CTBP2: variants seen among roughly 807,000 people sequenced by gnomAD.
The protein encoded by CTBP2 is C-terminal binding protein 2.
Under a neutral mutation model 80.3 loss-of-function variants are expected in CTBP2, and 30 were observed. The observed-to-expected ratio is 0.37, with a 90% CI of 0.28 to 0.51. The LOEUF (loss-of-function observed/expected upper bound fraction) is 0.51, where lower values mean the gene tolerates loss of function less well. Ranked by LOEUF, CTBP2 falls within the 20% of genes least tolerant of loss-of-function variation. The pLI, the probability that CTBP2 is intolerant of heterozygous loss-of-function variation, is 0.93. For missense variants in CTBP2, 1,212 were observed against 1,375.3 expected, an observed-to-expected ratio of 0.88 and a Z score of 1.88; for synonymous variants, 594 against 587.4, an observed-to-expected ratio of 1.01 and a Z score of -0.16.
chr10:124,997,115 T>A (rs1227203727), intron 4 of CTBP2: 1 of 152,002 alleles, frequency 6.6e-6, no homozygotes, highest in Non-Finnish European at 1.5e-5. Flanking sequence ...CAGCTGGGAG[T>A]CTCCCGGAGG....
intron 1 of CTBP2, among the ~76,000 whole-genome samples, chr10:125,151,425 C>T (rs530891172): frequency 1.3e-5 from 2 of 152,306 alleles, no homozygotes; most frequent in Admixed American, 6.5e-5. Flanking sequence ...TTTCCCACAG[C>T]AACTGCCACT....
chr10:125,142,756 G>A (rs895653915), intron 1 of CTBP2, among the ~76,000 whole-genome samples: 1 of 152,228 alleles, frequency 6.6e-6, no homozygotes, highest in African/African-American at 2.4e-5. Flanking sequence ...GGCTGAGCCA[G>A]CACACACCCC....
At chr10:125,075,551 T>C (rs985060913) in intron 2 of CTBP2, among the ~76,000 whole-genome samples, 1 of 152,170 alleles carries the variant, frequency 6.6e-6, no homozygotes, top group Non-Finnish European at 1.5e-5. Context: ...CTATTCATTA[T>C]AAATTACTCA....
chr10:124,998,357 T>G, intron 3 of CTBP2, 187 bp from the exon 6 acceptor site: 1 of 637,462 alleles, frequency 1.6e-6, no homozygotes, highest in Non-Finnish European at 2.7e-6. Context: ...TGGGAAGCTC[T>G]AGCCCCAACA....
intron 2 of CTBP2, among the ~76,000 whole-genome samples, chr10:125,064,701 C>CA (rs1488578559): frequency 6.6e-6 from 1 of 152,158 alleles, no homozygotes; most frequent in African/African-American, 2.4e-5. Context: ...GGTGACTATC[C>CA]ACCCAGGAGA....
At chr10:125,098,782 G>C (rs979319145) in intron 2 of CTBP2, among the ~76,000 whole-genome samples, 2 of 149,414 alleles carry the variant, frequency 1.3e-5, no homozygotes, top group African/African-American at 4.9e-5. Flanking sequence ...GAGAGAGACA[G>C]AGAGAGAGAC....
chr10:124,994,617 G>A lies in CTBP2; in HGVS notation c.2252C>T (p.Pro751Leu). The A allele has an allele frequency of 6.2e-7, 1 of 1,614,120 alleles. No individual in the cohort carries two copies. Among genetic ancestry groups the A allele is most frequent in the Non-Finnish European group, 8.5e-7 (1 of 1,179,976 alleles). The stretch of plus-strand genomic sequence containing the variant: ...CCGCTCGATCCCATCCTGCAAGTAG[G>A]GGTCATAAAATATGACGCTGAATCC... The change falls in exon 5 of 9, where the codon CCC (proline) becomes CTC (leucine). Residue 751 changes from proline (P) to leucine (L), a missense_variant. By Grantham distance (98) the Pro-to-Leu change is moderately conservative. This residue lies in a region of CTBP2 where 335 missense variants were observed against 504.7 expected (regional missense o/e 0.66). Transcript: ENST00000309035.
chr10:125,021,550 G>GC (rs1015342190), intron 1 of CTBP2, among the ~76,000 whole-genome samples: 5 of 102,546 alleles, frequency 4.9e-5, no homozygotes, highest in African/African-American at 2.2e-4. Flanking sequence ...AGTCTGGTAA[G>GC]GGGGCACAAC....
rs1952040583 is a variant in CTBP2, at chr10:124,986,296, C to CAT, written c.*3221_*3222insAT. The CAT allele has an allele frequency of 4.5e-5, 3 of 66,498 alleles. No homozygotes were observed. In the South Asian group the frequency reaches 1.9e-3, roughly 41 times the overall value. The allele number at this position is 66,498 out of a possible 1,614,324, so 4.1% of individuals were successfully genotyped here. A position where few individuals can be genotyped will look rare whatever the true frequency, so the allele number is the denominator to read the frequency against. ...ACACACGCACGCGCGCGCGCGCACA[C>CAT]ACACACACACACACACACACACACA... On this transcript the variant is annotated 3_prime_UTR_variant, in exon 9 of 9. Transcript: ENST00000309035.
rs376526067 is a variant in CTBP2, at chr10:125,061,809, C to G, written c.-101-22654G>C. On this transcript the variant is annotated intron_variant, in intron 2 of 10. Coordinates refer to the CTBP2 transcript ENST00000337195. ...ACTGTCACACCCTTACTGAGAGGAG[C>G]AGCTGTAGCAATAAGCAGGCTCCCC... Among the ~76,000 whole-genome samples, 52 of 152,276 alleles carry G rather than the reference C, an allele frequency of 3.4e-4. No individual in the cohort carries two copies. In the East Asian group the frequency reaches 9.5e-3, roughly 28 times the overall value.
intron 1 of CTBP2, among the ~76,000 whole-genome samples, chr10:125,009,899 T>C (rs1444836265): frequency 1.3e-5 from 2 of 152,220 alleles, no homozygotes; most frequent in South Asian, 4.1e-4. Context: ...CCTTGCTTTG[T>C]AAACATGTTT....
intron 2 of CTBP2, among the ~76,000 whole-genome samples, chr10:125,068,126 A>T (rs147241306): frequency 6.6e-6 from 1 of 152,238 alleles, no homozygotes; most frequent in African/African-American, 2.4e-5. Flanking sequence ...CAATTTCACC[A>T]TGCGGCCCAG....
chr10:124,991,069 G>A (rs554404658), intron 8 of CTBP2, among the ~76,000 whole-genome samples: 11 of 152,348 alleles, frequency 7.2e-5, no homozygotes, highest in South Asian at 4.1e-4. Context: ...CTGGGGGCCC[G>A]CCTTCCTCGG....
At chr10:125,083,705 A>T (rs1005841274) in intron 2 of CTBP2, among the ~76,000 whole-genome samples, 29 of 151,830 alleles carry the variant, frequency 1.9e-4, no homozygotes, top group African/African-American at 6.8e-4. Flanking sequence ...GACCTCCTGG[A>T]CTCCAGCCGT....
intron 2 of CTBP2, among the ~76,000 whole-genome samples, chr10:125,070,647 C>A (rs1845328502): frequency 6.6e-6 from 1 of 151,574 alleles, no homozygotes; most frequent in Non-Finnish European, 1.5e-5. Context: ...ATTATCATCA[C>A]AATTTTTATG....
At chr10:125,091,492 G>A (rs1440255878) in intron 2 of CTBP2, among the ~76,000 whole-genome samples, 1 of 152,184 alleles carries the variant, frequency 6.6e-6, no homozygotes, top group Non-Finnish European at 1.5e-5. Context: ...AGTAACATAG[G>A]CCAGGTGCAG....
intron 1 of CTBP2, among the ~76,000 whole-genome samples, chr10:125,115,920 G>A (rs538053382): frequency 1.0e-3 from 156 of 151,990 alleles, no homozygotes; most frequent in Non-Finnish European, 1.8e-3. Context: ...TACAGTCTTC[G>A]CCCCCTATAC....
chr10:124,992,014 T>C (rs1952709082), intron 8 of CTBP2, among the ~76,000 whole-genome samples: 1 of 151,950 alleles, frequency 6.6e-6, no homozygotes, highest in Admixed American at 6.6e-5. Flanking sequence ...GGCTCCAGTT[T>C]CTCAGCTGAC....
intron 2 of CTBP2, among the ~76,000 whole-genome samples, chr10:125,090,565 C>T (rs1481111533): frequency 6.6e-6 from 1 of 151,664 alleles, no homozygotes; most frequent in Non-Finnish European, 1.5e-5. Flanking sequence ...GAGTTTGACA[C>T]CAGCTTGGGC....
Sources: gnomAD v4.1 joint callset for allele counts (sites outside exome capture counted in the v4.1 genomes callset) on GRCh38, gnomAD v4.1.1 for gene constraint, gnomAD v4.1.1 regional missense constraint, MANE v1.5 for transcripts, NCBI Gene and HGNC (gene_info 2026-07-23, HGNC 2026-07-21) for gene names.